ARMH4: variants seen among roughly 807,000 people sequenced by gnomAD.
ARMH4 encodes the protein armadillo like helical domain containing 4, also known as armadillo-like helical domain-containing protein 4.
A neutral mutation model predicts 61.9 loss-of-function variants in ARMH4; 49 were observed. The ratio of observed to expected loss-of-function variants is 0.79; its 90% CI spans 0.63 to 1.00. ARMH4 has a LOEUF of 1.00. ARMH4 is among the 50% of genes least tolerant of loss of function. ARMH4 has a pLI of 0.00. For missense variants in ARMH4, 934 were observed against 930.0 expected (o/e 1.00, Z -0.06); for synonymous variants, 368 against 341.5 (o/e 1.08, Z -0.85).
chr14:58,097,702 A>T (rs57724209), intron 4 of ARMH4, among the ~76,000 whole-genome samples: 11,748 of 147,222 alleles, frequency 0.08, 633 homozygotes, highest in African/African-American at 0.16. Context: ...TTTATTTTTT[A>T]TTTATTTATT....
intron 4 of ARMH4, among the ~76,000 whole-genome samples, chr14:58,117,050 C>CA (rs1355769324): frequency 6.6e-6 from 1 of 152,164 alleles, no homozygotes; most frequent in East Asian, 1.9e-4. Context: ...CTCCTGGGCT[C>CA]AAGAGACCCT....
chr14:58,011,667 T>A (rs1160555023), intron 6 of ARMH4, among the ~76,000 whole-genome samples: 1 of 150,946 alleles, frequency 6.6e-6, no homozygotes, highest in African/African-American at 2.4e-5. Flanking sequence ...AAAAAGAAAA[T>A]CTTTATCTGT....
chr14:58,058,300 G>A (rs1007083200), intron 5 of ARMH4, among the ~76,000 whole-genome samples: 3 of 152,084 alleles, frequency 2.0e-5, no homozygotes, highest in Non-Finnish European at 4.4e-5. Context: ...ATAGCAACAA[G>A]GGGAAAAGTC....
At chr14:58,147,231 C>T (rs1887763218) in intron 1 of ARMH4, among the ~76,000 whole-genome samples, 1 of 152,042 alleles carries the variant, frequency 6.6e-6, no homozygotes, top group Admixed American at 6.6e-5. Flanking sequence ...CTGATCACCT[C>T]ATTGGATAGT....
intron 5 of ARMH4, among the ~76,000 whole-genome samples, chr14:58,041,783 A>C (rs1883714578): frequency 6.6e-6 from 1 of 152,204 alleles, no homozygotes; most frequent in Admixed American, 6.5e-5. Context: ...AAAAAAGAGC[A>C]GGGGTTGCAA....
Position 58,100,339 on chromosome 14 carries a change from A to G in ARMH4, c.1832-3358T>C, listed in dbSNP as rs151210229. ...AGGCCCACTTCAGATGTGACATCAT[A>G]TATCTAAAGTGAGACCTGTTAAGAT... On this transcript the variant is annotated intron_variant, in intron 4 of 7. Transcript: ENST00000267485. Among the ~76,000 whole-genome samples, 58 of 152,342 alleles carry G rather than the reference A, an allele frequency of 3.8e-4. No homozygotes were observed. In the Middle Eastern group the frequency reaches 0.034, roughly 89 times the overall value.
chr14:58,083,376 T>A (rs190134807), intron 5 of ARMH4, among the ~76,000 whole-genome samples: 1 of 152,324 alleles, frequency 6.6e-6, no homozygotes, highest in East Asian at 1.9e-4. Context: ...GGCCAGGAGT[T>A]TGAGACCAGC....
At chr14:58,090,222 T>C (rs192806569) in intron 5 of ARMH4, among the ~76,000 whole-genome samples, 304 of 152,302 alleles carry the variant, frequency 2.0e-3, no homozygotes, top group African/African-American at 7.0e-3. Context: ...ATCAATCAAA[T>C]TCTAAAGTAG....
At chr14:58,031,627 C>T (rs1340820360) in intron 5 of ARMH4, among the ~76,000 whole-genome samples, 2 of 152,028 alleles carry the variant, frequency 1.3e-5, no homozygotes, top group African/African-American at 2.4e-5. Flanking sequence ...CAGACTTCGG[C>T]GAGAACTGCA....
chr14:58,103,037 G>A (rs541325305), intron 4 of ARMH4, among the ~76,000 whole-genome samples: 51 of 151,906 alleles, frequency 3.4e-4, no homozygotes, highest in Non-Finnish European at 6.5e-4. Context: ...GGAGGCTGAC[G>A]CATGAGAATT....
chr14:58,004,962 T>G (rs933313847), intron 7 of ARMH4, 86 bp downstream of exon 7: 12 of 1,582,878 alleles, frequency 7.6e-6, no homozygotes, highest in Admixed American at 1.7e-5. Context: ...CCAAGCATCA[T>G]TAAACCCCGT....
At chr14:58,119,196 A>C (rs968838807) in intron 4 of ARMH4, among the ~76,000 whole-genome samples, 1 of 152,174 alleles carries the variant, frequency 6.6e-6, no homozygotes, top group African/African-American at 2.4e-5. Flanking sequence ...GGTGTATTAC[A>C]TTTTTCTTCT....
chr14:58,110,299 ACATATG>A (rs144772909), intron 4 of ARMH4, among the ~76,000 whole-genome samples: 4,259 of 152,298 alleles, frequency 0.028, 207 homozygotes, highest in African/African-American at 0.097. Flanking sequence ...AATCTAACTA[ACATATG>A]CATTACCTCA....
At chr14:58,100,562 T>C (rs747584525) in intron 4 of ARMH4, among the ~76,000 whole-genome samples, 1 of 152,152 alleles carries the variant, frequency 6.6e-6, no homozygotes, top group Non-Finnish European at 1.5e-5. Flanking sequence ...GGGACTCTAA[T>C]TAAAGAGAAG....
intron 5 of ARMH4, among the ~76,000 whole-genome samples, chr14:58,022,320 A>G (rs755982873): frequency 2.6e-5 from 4 of 152,154 alleles, no homozygotes; most frequent in Non-Finnish European, 5.9e-5. Context: ...TCTCTCTCAG[A>G]AAGACCGTTG....
chr14:58,090,664 A>C (rs1445078146), intron 5 of ARMH4, among the ~76,000 whole-genome samples: 1 of 151,966 alleles, frequency 6.6e-6, no homozygotes, highest in African/African-American at 2.4e-5. Context: ...GGATCACTTG[A>C]GGTCAGGAGT....
At chr14:58,103,992 C>G (rs956616678) in intron 4 of ARMH4, among the ~76,000 whole-genome samples, 1 of 152,146 alleles carries the variant, frequency 6.6e-6, no homozygotes, top group African/African-American at 2.4e-5. Context: ...AGTCACTTTA[C>G]TCCATCCTAT....
intron 4 of ARMH4, among the ~76,000 whole-genome samples, chr14:58,120,588 GC>G (rs775346948): frequency 7.1e-4 from 108 of 152,306 alleles, no homozygotes; most frequent in Non-Finnish European, 1.4e-3. Context: ...CCATGACACA[GC>G]CCGCAGGAGG....
chr14:58,051,833 G>A (rs1190793309), intron 5 of ARMH4, among the ~76,000 whole-genome samples: 2 of 152,116 alleles, frequency 1.3e-5, no homozygotes, highest in African/African-American at 4.8e-5. Context: ...AGGTGACAGT[G>A]GCATGCTGCT....
Sources: allele counts gnomAD v4.1 joint callset (sites outside exome capture counted in the v4.1 genomes callset), GRCh38; gene constraint gnomAD v4.1.1; transcripts MANE v1.5; gene names NCBI Gene and HGNC (gene_info 2026-07-23, HGNC 2026-07-21).